The following MB21D2 variants were observed in gnomAD, a reference collection of about 807,000 sequenced individuals.
The protein encoded by MB21D2 is Mab-21 domain containing 2.
In MB21D2, 9 loss-of-function variants were observed where a neutral mutation model predicts 33.3. The ratio of observed to expected loss-of-function variants is 0.27; its 90% CI spans 0.16 to 0.47. The LOEUF (loss-of-function observed/expected upper bound fraction) is 0.47, where lower values mean the gene tolerates loss of function less well. MB21D2 is among the 20% of genes least tolerant of loss of function. The pLI is 0.99. For synonymous variants in MB21D2, 241 were observed against 236.3 expected (o/e 1.02, Z -0.18); for missense variants, 540 against 624.6 (o/e 0.86, Z 1.44).
At chr3:192,885,963 A>G (rs113414726) in intron 1 of MB21D2, among the ~76,000 whole-genome samples, 2 of 152,040 alleles carry the variant, frequency 1.3e-5, no homozygotes, top group African/African-American at 4.8e-5. Flanking sequence ...TTATTTTTAT[A>G]ATTTTTTTTT....
intron 1 of MB21D2, among the ~76,000 whole-genome samples, chr3:192,878,827 G>A (rs1471595051): frequency 3.9e-5 from 6 of 152,196 alleles, no homozygotes; most frequent in Non-Finnish European, 5.9e-5. Flanking sequence ...AGCTGGACGT[G>A]GTGGTGCATG....
intron 1 of MB21D2, among the ~76,000 whole-genome samples, chr3:192,896,810 C>T (rs984400461): frequency 2.6e-5 from 4 of 152,168 alleles, no homozygotes; most frequent in Non-Finnish European, 5.9e-5. Flanking sequence ...GAAAAAAGTT[C>T]CAGCGTTGGT....
At chr3:192,898,699 T>G (rs1033110771) in intron 1 of MB21D2, among the ~76,000 whole-genome samples, 1 of 152,202 alleles carries the variant, frequency 6.6e-6, no homozygotes, top group African/African-American at 2.4e-5. Flanking sequence ...ATCATTGAGT[T>G]TCTATGGCAG....
intron 1 of MB21D2, among the ~76,000 whole-genome samples, chr3:192,866,198 T>C (rs952949251): frequency 5.3e-5 from 8 of 152,214 alleles, no homozygotes; most frequent in Non-Finnish European, 1.2e-4. Flanking sequence ...ATTGTTCATC[T>C]CTAAGGCTCA....
At chr3:192,904,014 A>G (rs1302696422) in intron 1 of MB21D2, among the ~76,000 whole-genome samples, 9 of 152,234 alleles carry the variant, frequency 5.9e-5, no homozygotes, top group Non-Finnish European at 1.0e-4. Context: ...TACCAGTCTC[A>G]GGGATGTCTT....
chr3:192,837,239 G>A (rs1712460655), intron 1 of MB21D2, among the ~76,000 whole-genome samples: 1 of 152,136 alleles, frequency 6.6e-6, no homozygotes, highest in Admixed American at 6.5e-5. Context: ...ACTCTTCTCT[G>A]AGAGGTTTTC....
chr3:192,848,295 A>C (rs1246655181), intron 1 of MB21D2, among the ~76,000 whole-genome samples: 2 of 152,206 alleles, frequency 1.3e-5, no homozygotes, highest in African/African-American at 2.4e-5. Context: ...ATTTGCACTG[A>C]CATTTTGCCA....
chr3:192,830,081 G>A (rs1577175841), intron 1 of MB21D2, among the ~76,000 whole-genome samples: 1 of 152,014 alleles, frequency 6.6e-6, no homozygotes, highest in Non-Finnish European at 1.5e-5. Flanking sequence ...TGTTGCCCAG[G>A]CCTCAAGCCA....
intron 1 of MB21D2, among the ~76,000 whole-genome samples, chr3:192,891,120 C>T (rs897613393): frequency 6.6e-6 from 1 of 152,150 alleles, no homozygotes; most frequent in Non-Finnish European, 1.5e-5. Context: ...GTTTTCTGGT[C>T]ACATTAATTG....
chr3:192,867,582 G>A (rs1212753521), intron 1 of MB21D2, among the ~76,000 whole-genome samples: 1 of 152,096 alleles, frequency 6.6e-6, no homozygotes, highest in African/African-American at 2.4e-5. Context: ...TGGACTAACT[G>A]CTGCTCCTCT....
At chr3:192,915,872 G>C (rs1370442824) in intron 1 of MB21D2, among the ~76,000 whole-genome samples, 8 of 152,006 alleles carry the variant, frequency 5.3e-5, no homozygotes, top group Non-Finnish European at 1.0e-4. Flanking sequence ...CCTTCTTCTA[G>C]TAAATGACCT....
intron 1 of MB21D2, among the ~76,000 whole-genome samples, chr3:192,814,398 A>G (rs1711865220): frequency 6.6e-6 from 1 of 152,216 alleles, no homozygotes; most frequent in African/African-American, 2.4e-5. Context: ...GTATCTGGGT[A>G]AAAACATACT....
intron 1 of MB21D2, among the ~76,000 whole-genome samples, chr3:192,882,437 C>T (rs1407817433): frequency 1.3e-5 from 2 of 152,044 alleles, no homozygotes; most frequent in Non-Finnish European, 2.9e-5. Flanking sequence ...GGCAGTGACA[C>T]TAAGGATAAG....
At chr3:192,830,894 T>C (rs73060282) in intron 1 of MB21D2, among the ~76,000 whole-genome samples, 2,674 of 152,270 alleles carry the variant, frequency 0.018, 68 homozygotes, top group African/African-American at 0.06. Context: ...ACAGGGAGTT[T>C]CCATGTATTC....
At chr3:192,864,560 G>A (rs1047447290) in intron 1 of MB21D2, among the ~76,000 whole-genome samples, 5 of 152,156 alleles carry the variant, frequency 3.3e-5, no homozygotes, top group African/African-American at 1.2e-4. Context: ...TGGCTGAAGT[G>A]CAATGGCACA....
chr3:192,895,411 TCAGCTTTATTTCA>T (rs1308456499), intron 1 of MB21D2, among the ~76,000 whole-genome samples: 5 of 152,218 alleles, frequency 3.3e-5, no homozygotes, highest in Non-Finnish European at 5.9e-5. Context: ...GTTTGAAACC[TCAGCTTTATTTCA>T]ATCTGTTTCA....
At chr3:192,907,401 C>T (rs9869202) in intron 1 of MB21D2, among the ~76,000 whole-genome samples, 68,381 of 152,070 alleles carry the variant, frequency 0.45, 17,755 homozygotes, top group Non-Finnish European at 0.58. Context: ...CCCTTGTCTG[C>T]GACTATAGAA....
intron 1 of MB21D2, among the ~76,000 whole-genome samples, chr3:192,853,214 C>T (rs1712844863): frequency 6.6e-6 from 1 of 152,186 alleles, no homozygotes; most frequent in Non-Finnish European, 1.5e-5. Flanking sequence ...CCAACCACAT[C>T]ACCCCTCGAA....
At chr3:192,881,552 C>T (rs999919779) in intron 1 of MB21D2, among the ~76,000 whole-genome samples, 3 of 152,128 alleles carry the variant, frequency 2.0e-5, no homozygotes, top group African/African-American at 7.3e-5. Flanking sequence ...CTGACCGCTA[C>T]GAAGTTTGAG....
Sources: allele counts gnomAD v4.1 joint callset (sites outside exome capture counted in the v4.1 genomes callset), GRCh38; gene constraint gnomAD v4.1.1; transcripts MANE v1.5; gene names NCBI Gene and HGNC (gene_info 2026-07-23, HGNC 2026-07-21).